The following MEIKIN variants were observed in gnomAD, a reference collection of about 807,000 sequenced individuals.
MEIKIN encodes the protein meiosis-specific kinetochore protein.
At chr5:131,838,574 G>GT (rs36072107) in intron 11 of MEIKIN, among the ~76,000 whole-genome samples, 87,606 of 151,786 alleles carry the variant, frequency 0.58, 29,745 homozygotes, top group Non-Finnish European at 0.77. Context: ...TCAGGAAGGT[G>GT]TATGTGGAGG....
chr5:131,923,422 T>C lies in MEIKIN; in HGVS notation c.479-1481A>G, dbSNP rs72793246. Among the ~76,000 whole-genome samples the C allele has an allele frequency of 6.0e-3, 918 of 152,266 alleles. 10 individuals carry two copies. The highest frequency in any genetic ancestry group is 9.9e-3 in the Non-Finnish European group (674 of 68,028). On this transcript the variant is annotated intron_variant, in intron 5 of 12. Coordinates refer to ENST00000442687, the MANE Select transcript of MEIKIN (RefSeq NM_001303622.2). ...TTCCCTTTTTTCTGTTATCTTTTCCTGGAACTCCTATTATTTGATGTTGGA... is the reference window on the plus strand; with the variant it reads ...TTCCCTTTTTTCTGTTATCTTTTCCCGGAACTCCTATTATTTGATGTTGGA...
At chr5:131,920,642 C>T (rs1032382614) in intron 6 of MEIKIN, among the ~76,000 whole-genome samples, 3 of 151,948 alleles carry the variant, frequency 2.0e-5, no homozygotes, top group African/African-American at 4.8e-5. Context: ...ATATGATACA[C>T]TGCAAAGGCA....
At chr5:131,836,395 T>C (rs1749807999) in intron 11 of MEIKIN, among the ~76,000 whole-genome samples, 1 of 152,194 alleles carries the variant, frequency 6.6e-6, no homozygotes, top group African/African-American at 2.4e-5. Flanking sequence ...CAATTTATAT[T>C]CCTTTGTGTA....
intron 11 of MEIKIN, among the ~76,000 whole-genome samples, chr5:131,836,340 C>A (rs1749806959): frequency 6.6e-6 from 1 of 152,126 alleles, no homozygotes; most frequent in Admixed American, 6.5e-5. Context: ...CTATTGTGAA[C>A]AGTGCTGCAA....
chr5:131,869,157 G>A (rs1289707348), intron 9 of MEIKIN, among the ~76,000 whole-genome samples: 1 of 152,204 alleles, frequency 6.6e-6, no homozygotes, highest in Non-Finnish European at 1.5e-5. Flanking sequence ...TTCTTGTGAA[G>A]AGTATAAGGT....
chr5:131,939,212 G>A (rs540850425), intron 4 of MEIKIN, among the ~76,000 whole-genome samples: 2 of 152,268 alleles, frequency 1.3e-5, no homozygotes, highest in South Asian at 2.1e-4. Context: ...CAGTGTGTTA[G>A]GGAAAGGATC....
chr5:131,924,525 C>T (rs904578721), intron 5 of MEIKIN, among the ~76,000 whole-genome samples: 22 of 152,042 alleles, frequency 1.4e-4, no homozygotes, highest in Admixed American at 6.6e-4. Flanking sequence ...GCCCTTTTAA[C>T]AAGTGTGAGG....
chr5:131,819,206 T>G (rs1474959229), intron 11 of MEIKIN, among the ~76,000 whole-genome samples: 2 of 152,048 alleles, frequency 1.3e-5, no homozygotes, highest in Non-Finnish European at 2.9e-5. Context: ...ATTTATTGAG[T>G]TAAAATCCAA....
At chr5:131,928,920 T>C (rs985437264) in intron 5 of MEIKIN, among the ~76,000 whole-genome samples, 9 of 152,240 alleles carry the variant, frequency 5.9e-5, no homozygotes, top group Non-Finnish European at 1.0e-4. Context: ...TCTTATACTT[T>C]CATGTTACTG....
chr5:131,831,257 A>C (rs1359125433), intron 11 of MEIKIN, among the ~76,000 whole-genome samples: 21 of 152,144 alleles, frequency 1.4e-4, no homozygotes, highest in Admixed American at 1.4e-3. Context: ...TGAGTCAATA[A>C]ATCCTCTTTT....
intron 5 of MEIKIN, among the ~76,000 whole-genome samples, chr5:131,924,995 G>A (rs577363045): frequency 2.0e-5 from 3 of 152,264 alleles, no homozygotes; most frequent in South Asian, 4.1e-4. Context: ...ATTAATTTTT[G>A]TGTATGGGTG....
At chr5:131,834,507 C>A (rs774454740) in intron 11 of MEIKIN, among the ~76,000 whole-genome samples, 1 of 151,788 alleles carries the variant, frequency 6.6e-6, no homozygotes, top group Non-Finnish European at 1.5e-5. Context: ...GCCCCAGCCC[C>A]TGTCAACCAC....
chr5:131,817,678 C>A (rs1043791600), intron 12 of MEIKIN, among the ~76,000 whole-genome samples: 1 of 151,724 alleles, frequency 6.6e-6, no homozygotes, highest in East Asian at 1.9e-4. Context: ...TCTGGAGAAC[C>A]CTGACAAATA....
rs1314855240 is a variant in MEIKIN, at chr5:131,873,590, T to C, written c.774+5388A>G. Among the ~76,000 whole-genome samples, 8 of 152,210 alleles carry C rather than the reference T, an allele frequency of 5.3e-5. No individual in the cohort carries two copies. In the South Asian group the frequency reaches 1.2e-3, roughly 24 times the overall value. The stretch of plus-strand genomic sequence containing the variant: ...CCACTGTCAACATTAGACAGATCAA[T>C]GAGACAGAAAGTTAACAAGGATACC... On this transcript the variant is annotated intron_variant, in intron 9 of 12. Transcript: ENST00000442687.
intron 8 of MEIKIN, among the ~76,000 whole-genome samples, chr5:131,892,199 T>C (rs922900146): frequency 6.6e-6 from 1 of 152,086 alleles, no homozygotes; most frequent in Non-Finnish European, 1.5e-5. Flanking sequence ...GTGTCTTGGA[T>C]TTGCTCTTCT....
At chr5:131,861,244 C>T (rs1379748249) in intron 9 of MEIKIN, among the ~76,000 whole-genome samples, 1 of 151,944 alleles carries the variant, frequency 6.6e-6, no homozygotes, top group Non-Finnish European at 1.5e-5. Context: ...CAAACATTAG[C>T]TGGGCATGGT....
chr5:131,842,699 A>T (rs1025852896), intron 11 of MEIKIN, among the ~76,000 whole-genome samples: 1 of 152,214 alleles, frequency 6.6e-6, no homozygotes, highest in African/African-American at 2.4e-5. Context: ...CACATAAAAC[A>T]TCTTGTAGTT....
intron 9 of MEIKIN, among the ~76,000 whole-genome samples, chr5:131,864,287 A>C (rs2149621007): frequency 6.6e-6 from 1 of 152,164 alleles, no homozygotes; most frequent in South Asian, 2.1e-4. Context: ...TCTGTAGTAG[A>C]ATCATTTGAG....
intron 8 of MEIKIN, among the ~76,000 whole-genome samples, chr5:131,888,759 G>A (rs1186690180): frequency 1.3e-5 from 2 of 152,290 alleles, no homozygotes; most frequent in East Asian, 3.9e-4. Context: ...CATTGCTTCT[G>A]GTGTTTTAGA....
Sources: gnomAD v4.1 joint callset for allele counts (sites outside exome capture counted in the v4.1 genomes callset) on GRCh38, gnomAD v4.1.1 for gene constraint, MANE v1.5 for transcripts, NCBI Gene and HGNC (gene_info 2026-07-23, HGNC 2026-07-21) for gene names.